Variants in FAF1 observed in about 807,000 individuals in gnomAD.
FAF1 encodes Fas associated factor 1.
A neutral mutation model predicts 92.5 loss-of-function variants in FAF1; 25 were observed. The observed-to-expected ratio is 0.27, with a 90% CI of 0.20 to 0.38. The LOEUF is 0.38. FAF1 is among the 10% of genes least tolerant of loss of function. FAF1 has a pLI of 1.00. For missense variants in FAF1, 636 were observed against 793.3 expected (o/e 0.80, Z 2.38); for synonymous variants, 234 against 273.2 (o/e 0.86, Z 1.42).
intron 2 of FAF1, among the ~76,000 whole-genome samples, chr1:50,843,609 C>T (rs1644274426): frequency 6.6e-6 from 1 of 152,038 alleles, no homozygotes; most frequent in Admixed American, 6.5e-5. Context: ...TTTTTAAGCT[C>T]TCACATATAA....
intron 7 of FAF1, among the ~76,000 whole-genome samples, chr1:50,700,162 T>A (rs1430844129): frequency 6.6e-6 from 1 of 152,014 alleles, no homozygotes. Flanking sequence ...TTTTTTTTTT[T>A]ATTTCTGTTT....
At position 50,926,616 on chromosome 1, in the gene FAF1, G is replaced by T. The variant is rs187452993; in HGVS notation, c.45+33151C>A. The stretch of plus-strand genomic sequence containing the variant: ...CAAAAAAAAAAAGTTTAAGGTGAAG[G>T]ATATGCTAATTACTCTGATTTGATC... On this transcript the variant is annotated intron_variant, in intron 1 of 18. Coordinates refer to ENST00000396153, the MANE Select transcript of FAF1 (RefSeq NM_007051.3). Among the ~76,000 whole-genome samples the T allele has an allele frequency of 6.6e-3, 1,000 of 152,004 alleles. 7 individuals carry two copies. The highest frequency in any genetic ancestry group is 1.0e-2 in the Non-Finnish European group (679 of 67,986).
At position 50,616,343 on chromosome 1, in the gene FAF1, T is replaced by C. The variant is rs911665448; in HGVS notation, c.745-20127A>G. 3.9e-5 allele frequency among the ~76,000 whole-genome samples: 6 copies of C among 152,324 alleles called. No individual in the cohort carries two copies. The East Asian group carries it at 1.2e-3, about 29-fold the overall frequency. On this transcript the variant is annotated intron_variant, in intron 8 of 18. Transcript: ENST00000396153. ...AGGCTCTTTCTAGGTTCCATATTAA[T>C]TTTAGAATTTTTGTTTCTAGTTTAG...
intron 7 of FAF1, among the ~76,000 whole-genome samples, chr1:50,699,031 G>C (rs936686034): frequency 2.6e-5 from 4 of 151,974 alleles, no homozygotes; most frequent in Admixed American, 6.6e-5. Context: ...CAATTATCAT[G>C]ATGAACTATT....
chr1:50,816,509 C>T (rs1643978003), intron 2 of FAF1, among the ~76,000 whole-genome samples: 1 of 152,024 alleles, frequency 6.6e-6, no homozygotes, highest in African/African-American at 2.4e-5. Context: ...TGGCTTTTGC[C>T]CACTTTTTAA....
At chr1:50,466,203 T>C (rs994999322) in intron 18 of FAF1, among the ~76,000 whole-genome samples, 1 of 152,138 alleles carries the variant, frequency 6.6e-6, no homozygotes. Context: ...GGGTATACTT[T>C]GAAAGTAAAA....
chr1:50,640,829 A>AT (rs71059592), intron 8 of FAF1, among the ~76,000 whole-genome samples: 39,874 of 88,166 alleles, frequency 0.45, 11,365 homozygotes, highest in Middle Eastern at 0.7. Flanking sequence ...TTATCAGCTG[A>AT]TTTTTTTTTT....
At chr1:50,656,078 TC>T (rs1655096765) in intron 7 of FAF1, among the ~76,000 whole-genome samples, 1 of 152,112 alleles carries the variant, frequency 6.6e-6, no homozygotes, top group African/African-American at 2.4e-5. Flanking sequence ...ACACCTGTAA[TC>T]CCAGGACGTT....
At chr1:50,903,455 A>ATCTAGTG (rs1644812093) in intron 1 of FAF1, among the ~76,000 whole-genome samples, 2 of 152,154 alleles carry the variant, frequency 1.3e-5, no homozygotes, top group African/African-American at 4.8e-5. Context: ...TTATAACTAT[A>ATCTAGTG]TCTAGTGTAG....
At chr1:50,666,009 T>C (rs940131351) in intron 7 of FAF1, among the ~76,000 whole-genome samples, 8 of 151,778 alleles carry the variant, frequency 5.3e-5, no homozygotes, top group African/African-American at 1.7e-4. Flanking sequence ...AAACCCTGTC[T>C]CCACTAAAAA....
chr1:50,576,965 C>A (rs1329282659), intron 12 of FAF1, among the ~76,000 whole-genome samples: 1 of 151,958 alleles, frequency 6.6e-6, no homozygotes, highest in Non-Finnish European at 1.5e-5. Context: ...CCATGCCCAG[C>A]CTAAAAACAG....
chr1:50,601,587 CAGG>C (rs1233486495), intron 8 of FAF1, among the ~76,000 whole-genome samples: 1 of 152,034 alleles, frequency 6.6e-6, no homozygotes, highest in Non-Finnish European at 1.5e-5. Flanking sequence ...GAGGCTGAGG[CAGG>C]AGAACTGTTT....
chr1:50,816,419 T>C (rs1341194939), intron 2 of FAF1, among the ~76,000 whole-genome samples: 3 of 152,052 alleles, frequency 2.0e-5, no homozygotes, highest in African/African-American at 7.2e-5. Context: ...TTAGCCAGGA[T>C]GGTTTCAATC....
At chr1:50,506,461 A>G (rs944176384) in intron 15 of FAF1, among the ~76,000 whole-genome samples, 3 of 152,114 alleles carry the variant, frequency 2.0e-5, no homozygotes, top group Non-Finnish European at 2.9e-5. Context: ...CTTCAGGCAA[A>G]ATCACATTCA....
At chr1:50,908,854 G>T (rs2124718786) in intron 1 of FAF1, among the ~76,000 whole-genome samples, 1 of 152,182 alleles carries the variant, frequency 6.6e-6, no homozygotes, top group South Asian at 2.1e-4. Context: ...TCTTTTAATT[G>T]GAGCATTTAG....
chr1:50,570,787 A>ATC (rs1650401033), intron 12 of FAF1, among the ~76,000 whole-genome samples: 1 of 152,256 alleles, frequency 6.6e-6, no homozygotes, highest in Non-Finnish European at 1.5e-5. Flanking sequence ...AAATCTGATT[A>ATC]AATTACAGTC....
In FAF1 at chr1:50,535,528, G is replaced by A. The variant is rs1648431367; in HGVS notation, c.1406-71C>T. ...ATAACTTCAAATTATTAAAGTATTA[G>A]AAACTGGAAAGTCATTCTAGAATTA... On this transcript the variant is annotated intron_variant, in intron 14 of 18. Transcript: ENST00000396153. 6.0e-6 allele frequency: 5 copies of A among 830,808 alleles called. No individual in the cohort carries two copies. In the South Asian group the frequency reaches 7.2e-5, roughly 12 times the overall value. 51.5% of individuals were successfully genotyped at this position (830,808 alleles called of 1,614,324 possible).
chr1:50,945,752 C>A (rs1336067346), intron 1 of FAF1, among the ~76,000 whole-genome samples: 2 of 152,184 alleles, frequency 1.3e-5, no homozygotes, highest in Non-Finnish European at 2.9e-5. Context: ...AAGTGGCAGA[C>A]CAAAGAGCTA....
intron 6 of FAF1, among the ~76,000 whole-genome samples, chr1:50,735,522 G>C (rs1359823643): frequency 3.3e-5 from 5 of 152,072 alleles, no homozygotes; most frequent in Non-Finnish European, 5.9e-5. Flanking sequence ...TCTTCCCCTA[G>C]AAAGAAATTA....
Sources: gnomAD v4.1 joint callset for allele counts (sites outside exome capture counted in the v4.1 genomes callset) on GRCh38, gnomAD v4.1.1 for gene constraint, MANE v1.5 for transcripts, NCBI Gene and HGNC (gene_info 2026-07-23, HGNC 2026-07-21) for gene names.